The following SLC35F3 variants were observed in gnomAD, a reference collection of about 807,000 sequenced individuals.
The protein encoded by SLC35F3 is solute carrier family 35 member F3.
In SLC35F3, 25 loss-of-function variants were observed where a neutral mutation model predicts 49.9. The observed-to-expected ratio is 0.50, with a 90% CI of 0.37 to 0.70. The LOEUF (loss-of-function observed/expected upper bound fraction) is 0.70. Ranked by LOEUF, SLC35F3 falls within the 30% of genes least tolerant of loss-of-function variation. The probability of loss-of-function intolerance (pLI) is 0.00; values close to 1 mark genes in which losing one functional copy is unlikely to be tolerated. For missense variants in SLC35F3, 525 were observed against 639.8 expected (o/e 0.82, Z 1.94); for synonymous variants, 275 against 265.4 (o/e 1.04, Z -0.35).
chr1:233,984,539 A>G (rs1480477134), intron 2 of SLC35F3, among the ~76,000 whole-genome samples: 14 of 152,240 alleles, frequency 9.2e-5, no homozygotes, highest in Admixed American at 9.2e-4. Context: ...GGCCTGAAAG[A>G]GCGGAATGAC....
At chr1:234,058,011 GTCTT>G (rs1664480697) in intron 2 of SLC35F3, among the ~76,000 whole-genome samples, 1 of 152,062 alleles carries the variant, frequency 6.6e-6, no homozygotes, top group Non-Finnish European at 1.5e-5. Flanking sequence ...CCGGCCATGT[GTCTT>G]TCTTCTTATT....
intron 2 of SLC35F3, among the ~76,000 whole-genome samples, chr1:234,002,972 A>T (rs1382331563): frequency 6.6e-6 from 1 of 151,982 alleles, no homozygotes; most frequent in Non-Finnish European, 1.5e-5. Flanking sequence ...TGTTCCTTTG[A>T]CATACCTCCA....
intron 2 of SLC35F3, among the ~76,000 whole-genome samples, chr1:234,090,245 C>T (rs1163340329): frequency 1.3e-5 from 2 of 152,268 alleles, no homozygotes; most frequent in Non-Finnish European, 2.9e-5. Flanking sequence ...GCACAACACA[C>T]TCACAGCACA....
chr1:234,097,236 A>T (rs1205078923), intron 2 of SLC35F3, among the ~76,000 whole-genome samples: 3 of 152,254 alleles, frequency 2.0e-5, no homozygotes, highest in African/African-American at 7.2e-5. Context: ...TTCCATAGAG[A>T]TTGTATTAAT....
rs549453498 is a variant in SLC35F3 at position 234,294,324 on chromosome 1, T to C, written c.609-14777T>C. On this transcript the variant is annotated intron_variant, in intron 3 of 7. Coordinates refer to ENST00000366618, the MANE Select transcript of SLC35F3 (RefSeq NM_173508.4). ...AACAGGCTTGGCTCTGTTTCCTGGC[T>C]CTGTCTCGGCCAGCAGAGTAGGTGG... Among the ~76,000 whole-genome samples, 22 of 152,304 alleles carry C rather than the reference T, an allele frequency of 1.4e-4. No homozygotes were observed. In the South Asian group the frequency reaches 4.1e-3, roughly 29 times the overall value.
rs115736176 is a variant in SLC35F3 at position 234,109,886 on chromosome 1, T to C, written c.284-121531T>C. On this transcript the variant is annotated intron_variant, in intron 2 of 7. Transcript: ENST00000366618. ...AGAAGGAGGCATTTGAGCTGGGCTTTGAAGATGGGTGTGGCGAGATGCCAT... is the reference window on the plus strand; with the variant it reads ...AGAAGGAGGCATTTGAGCTGGGCTTCGAAGATGGGTGTGGCGAGATGCCAT... Among the ~76,000 whole-genome samples the C allele has an allele frequency of 5.9e-4, 90 of 152,262 alleles. 1 individual carries two copies. The highest frequency in any genetic ancestry group is 2.1e-3 in the African/African-American group (88 of 41,528).
chr1:234,024,124 T>C (rs919198057), intron 2 of SLC35F3, among the ~76,000 whole-genome samples: 2 of 151,968 alleles, frequency 1.3e-5, no homozygotes, highest in Admixed American at 6.5e-5. Flanking sequence ...ATCTTCACAG[T>C]TGGGGGAAAC....
At chr1:234,129,611 A>G (rs1381292070) in intron 2 of SLC35F3, among the ~76,000 whole-genome samples, 1 of 152,230 alleles carries the variant, frequency 6.6e-6, no homozygotes. Flanking sequence ...GTGGAAATAC[A>G]AAAGAACTCA....
chr1:234,113,083 AAAAGAAAAG>A (rs1401673608), intron 2 of SLC35F3, among the ~76,000 whole-genome samples: 4 of 152,120 alleles, frequency 2.6e-5, no homozygotes, highest in Admixed American at 6.5e-5. Context: ...AAGAAGAAGA[AAAAGAAAAG>A]AAAGAAAAGA....
intron 3 of SLC35F3, among the ~76,000 whole-genome samples, chr1:234,262,746 G>A (rs1482254150): frequency 2.0e-5 from 3 of 152,146 alleles, no homozygotes; most frequent in African/African-American, 4.8e-5. Context: ...TGTGGTCTGA[G>A]GGCAGGTGGT....
intron 2 of SLC35F3, among the ~76,000 whole-genome samples, chr1:234,120,521 T>A (rs1665554178): frequency 6.6e-6 from 1 of 152,228 alleles, no homozygotes; most frequent in South Asian, 2.1e-4. Flanking sequence ...TTGCCCAGTA[T>A]GGCCAAGCAT....
At chr1:234,310,916 C>T (rs972783200) in intron 4 of SLC35F3, among the ~76,000 whole-genome samples, 3 of 152,156 alleles carry the variant, frequency 2.0e-5, no homozygotes, top group Non-Finnish European at 2.9e-5. Flanking sequence ...ACCCCTCCAA[C>T]CCCCCACCCA....
intron 2 of SLC35F3, among the ~76,000 whole-genome samples, chr1:234,222,390 C>T (rs1028325162): frequency 1.3e-5 from 2 of 152,214 alleles, no homozygotes; most frequent in African/African-American, 2.4e-5. Flanking sequence ...CAAGTTTAGT[C>T]CTGCCTTGTT....
chr1:234,308,726 C>A (rs1657270947), intron 3 of SLC35F3, among the ~76,000 whole-genome samples: 1 of 151,040 alleles, frequency 6.6e-6, no homozygotes, highest in Admixed American at 6.6e-5. Context: ...TCCCACAACC[C>A]CCACCCCAAA....
chr1:234,149,653 C>T (rs540118928), intron 2 of SLC35F3, among the ~76,000 whole-genome samples: 49 of 152,224 alleles, frequency 3.2e-4, no homozygotes, highest in Non-Finnish European at 5.9e-4. Flanking sequence ...TCTTCCTGCC[C>T]TTAAAAAACG....
intron 2 of SLC35F3, among the ~76,000 whole-genome samples, chr1:234,182,378 C>G (rs977104354): frequency 2.0e-5 from 3 of 152,138 alleles, no homozygotes; most frequent in Non-Finnish European, 4.4e-5. Context: ...TGGAATTAGC[C>G]ATTTTTTAAG....
intron 2 of SLC35F3, among the ~76,000 whole-genome samples, chr1:234,146,761 G>T (rs6659846): frequency 9.2e-5 from 14 of 152,006 alleles, no homozygotes; most frequent in African/African-American, 3.4e-4. Context: ...TAATCCACCC[G>T]CCTCGGCCTC....
At chr1:234,103,238 G>A (rs549970741) in intron 2 of SLC35F3, among the ~76,000 whole-genome samples, 1 of 152,290 alleles carries the variant, frequency 6.6e-6, no homozygotes, top group East Asian at 1.9e-4. Context: ...TTCCTTGATT[G>A]GTACCCACCC....
chr1:234,281,363 C>T (rs1052381907), intron 3 of SLC35F3, among the ~76,000 whole-genome samples: 11 of 152,176 alleles, frequency 7.2e-5, no homozygotes, highest in Admixed American at 5.2e-4. Context: ...GCTTCCAAAT[C>T]GTGAACAAAT....
Sources: gnomAD v4.1 joint callset for allele counts (sites outside exome capture counted in the v4.1 genomes callset) on GRCh38, gnomAD v4.1.1 for gene constraint, MANE v1.5 for transcripts, NCBI Gene and HGNC (gene_info 2026-07-23, HGNC 2026-07-21) for gene names.